The following SPDYE14 variants were observed in gnomAD, a reference collection of about 807,000 sequenced individuals.
The protein encoded by SPDYE14 is speedy/RINGO cell cycle regulator family member E14.
At chr7:75,245,446 AAG>A in the SPDYE14 span, among the ~76,000 whole-genome samples, 1 of 147,586 alleles carries the variant, frequency 6.8e-6, no homozygotes, top group African/African-American at 2.5e-5. Context: ...AAAAAAAAAA[AAG>A]AAAAATCTCC....
chr7:75,275,319 G>A, the SPDYE14 span, among the ~76,000 whole-genome samples: 5 of 49,282 alleles, frequency 1.0e-4, 1 homozygote, highest in South Asian at 2.3e-3. Flanking sequence ...TTGAGAAATC[G>A]GATGGTTGCC....
chr7:75,276,411 CAAA>C, the SPDYE14 span, among the ~76,000 whole-genome samples: 1 of 20,760 alleles, frequency 4.8e-5, no homozygotes. Context: ...ACAACAACAA[CAAA>C]AAAAAAAACC....
chr7:75,278,843 G>A, the SPDYE14 span, among the ~76,000 whole-genome samples: 2 of 39,578 alleles, frequency 5.1e-5, no homozygotes, highest in Admixed American at 2.1e-4. Context: ...TTGGGAGGCT[G>A]AGATCAGAGA....
the SPDYE14 span, among the ~76,000 whole-genome samples, chr7:75,249,846 G>C: frequency 2.2e-4 from 27 of 122,714 alleles, no homozygotes; most frequent in Admixed American, 2.3e-3. Flanking sequence ...GCTAATTTTT[G>C]TATAGCGGAG....
chr7:75,279,060 CTCTCATA>C, the SPDYE14 span, among the ~76,000 whole-genome samples: 1 of 118,936 alleles, frequency 8.4e-6, no homozygotes. Context: ...ACAAAGTATT[CTCTCATA>C]TGTGCTGGTG....
chr7:75,240,595 C>CAA, the SPDYE14 span, among the ~76,000 whole-genome samples: 7 of 33,202 alleles, frequency 2.1e-4, 2 homozygotes, highest in African/African-American at 3.7e-4. Flanking sequence ...GATTCTGCCT[C>CAA]AAAAAAAAAA....
the SPDYE14 span, among the ~76,000 whole-genome samples, chr7:75,265,565 C>CAAA: frequency 5.6e-4 from 1 of 1,770 alleles, no homozygotes; most frequent in African/African-American, 1.3e-3. Context: ...TAAAAAAATA[C>CAAA]AAAAAAAAAA....
the SPDYE14 span, among the ~76,000 whole-genome samples, chr7:75,254,179 C>T: frequency 2.1e-5 from 1 of 48,606 alleles, no homozygotes; most frequent in Non-Finnish European, 5.0e-5. Context: ...GATTGCACCA[C>T]TGCACTCCAT....
At chr7:75,278,999 A>C in the SPDYE14 span, among the ~76,000 whole-genome samples, 4 of 116,428 alleles carry the variant, frequency 3.4e-5, 1 homozygote, top group Non-Finnish European at 6.9e-5. Flanking sequence ...TCTGATTTAC[A>C]CTTGCAAAAA....
At chr7:75,267,728 T>TTTTATTTATTTA in the SPDYE14 span, among the ~76,000 whole-genome samples, 4,535 of 110,880 alleles carry the variant, frequency 0.041, 110 homozygotes, top group Non-Finnish European at 0.053. Flanking sequence ...GTCTGCATGA[T>TTTTATTTATTTA]TTTATTTATT....
the SPDYE14 span, among the ~76,000 whole-genome samples, chr7:75,303,421 C>CCCAG: frequency 4.6e-4 from 8 of 17,568 alleles, 1 homozygote; most frequent in Admixed American, 4.1e-3. Flanking sequence ...ATCACTTGAG[C>CCCAG]CCAGGAGTTT....
At chr7:75,300,689 G>A in the SPDYE14 span, among the ~76,000 whole-genome samples, 594 of 3,174 alleles carry the variant, frequency 0.19, 27 homozygotes, top group African/African-American at 0.39. Context: ...GCAGTGGCAC[G>A]ATCTTAGCTC....
chr7:75,275,113 A>C, the SPDYE14 span, among the ~76,000 whole-genome samples: 25 of 60,340 alleles, frequency 4.1e-4, 5 homozygotes, highest in Middle Eastern at 9.8e-3. Flanking sequence ...TGGGGGGGTC[A>C]GCCCCCCTGC....
chr7:75,271,159 G>C, the SPDYE14 span, among the ~76,000 whole-genome samples: 2 of 10,782 alleles, frequency 1.9e-4, 1 homozygote, highest in African/African-American at 3.4e-4. Flanking sequence ...CAGGAGGATC[G>C]CTTGAGAACA....
the SPDYE14 span, among the ~76,000 whole-genome samples, chr7:75,240,382 G>A: frequency 3.7e-5 from 2 of 54,222 alleles, no homozygotes; most frequent in Non-Finnish European, 8.7e-5. Context: ...CAGATCACAA[G>A]GACAGGAGTT....
At chr7:75,273,646 G>C in the SPDYE14 span, among the ~76,000 whole-genome samples, 5 of 60,058 alleles carry the variant, frequency 8.3e-5, 1 homozygote, top group African/African-American at 2.0e-4. Context: ...GAGGAAGCAA[G>C]CTCTCTGATG....
the SPDYE14 span, among the ~76,000 whole-genome samples, chr7:75,247,683 A>G: frequency 7.5e-5 from 2 of 26,550 alleles, no homozygotes; most frequent in Admixed American, 5.6e-4. Context: ...GCCTCAAGCA[A>G]TTCTCATGCC....
chr7:75,266,244 C>T, the SPDYE14 span, among the ~76,000 whole-genome samples: 1 of 15,750 alleles, frequency 6.3e-5, no homozygotes, highest in African/African-American at 1.3e-4. Context: ...GTAACCTCTG[C>T]CTCCCGGGTT....
At chr7:75,275,218 C>G in the SPDYE14 span, among the ~76,000 whole-genome samples, 1 of 55,282 alleles carries the variant, frequency 1.8e-5, no homozygotes, top group African/African-American at 4.2e-5. Flanking sequence ...ACCACCCCGT[C>G]TGGGAGGTGT....
Sources: allele counts gnomAD v4.1 joint callset (sites outside exome capture counted in the v4.1 genomes callset), GRCh38; gene constraint gnomAD v4.1.1; transcripts MANE v1.5; gene names NCBI Gene and HGNC (gene_info 2026-07-23, HGNC 2026-07-21).